GATA4: variants seen among roughly 807,000 people sequenced by gnomAD.
GATA4 encodes GATA binding protein 4.
Under a neutral mutation model 37.9 loss-of-function variants are expected in GATA4, and 7 were observed. That is an observed-to-expected ratio of 0.18 (90% CI 0.11 to 0.35). GATA4 has a LOEUF of 0.35. Ranked by LOEUF, GATA4 falls within the 10% of genes least tolerant of loss-of-function variation. The pLI, the probability that GATA4 is intolerant of heterozygous loss-of-function variation, is 1.00. For synonymous variants in GATA4, 372 were observed against 292.6 expected (o/e 1.27, Z -2.77); for missense variants, 647 against 653.0 (o/e 0.99, Z 0.10).
At chr8:11,681,763 C>G (rs1252456047) in intron 1 of GATA4, among the ~76,000 whole-genome samples, 1 of 152,084 alleles carries the variant, frequency 6.6e-6, no homozygotes, top group Non-Finnish European at 1.5e-5. Flanking sequence ...TTGTTCTTTG[C>G]CCACAGCATT....
upstream of GATA4, among the ~76,000 whole-genome samples, chr8:11,703,537 G>T (rs1799758919): frequency 6.6e-6 from 1 of 152,270 alleles, no homozygotes; most frequent in African/African-American, 2.4e-5. Flanking sequence ...GATTAGAAGA[G>T]AGGAGGCCAC....
chr8:11,712,985 C>G (rs747941961), intron 2 of GATA4, among the ~76,000 whole-genome samples: 1 of 152,146 alleles, frequency 6.6e-6, no homozygotes, highest in South Asian at 2.1e-4. Context: ...ATAGGTAAAA[C>G]TATACAGACT....
chr8:11,733,646 C>T (rs974878942), intron 2 of GATA4, among the ~76,000 whole-genome samples: 2 of 152,152 alleles, frequency 1.3e-5, no homozygotes, highest in Non-Finnish European at 2.9e-5. Context: ...AAATCCTCTT[C>T]GAAGAGAGAA....
rs765273410 is a variant in GATA4 at position 11,708,811 on chromosome 8, G to A, written c.499G>A (p.Ala167Thr). Residue 167 changes from alanine (A) to threonine (T), a missense_variant, in exon 2 of 7, where the codon GCC becomes ACC. Physicochemically the swap from Ala to Thr is moderately conservative, Grantham distance 58. This residue lies in a region of GATA4 where 379 missense variants were observed against 334.5 expected (regional missense o/e 1.13). Transcript: ENST00000532059. This position sits in a 1 kb window ranked among gnomAD's most constrained non-coding sequence, Gnocchi z 6.7. ...SYSSPYPAYMADVGASWAAAA... is the reference protein window; with the variant it reads ...SYSSPYPAYMTDVGASWAAAA... ...CTCCAGCCCCTACCCGGCTTACATGGCCGACGTGGGCGCGTCCTGGGCCGC... is the reference window on the plus strand; with the variant it reads ...CTCCAGCCCCTACCCGGCTTACATGACCGACGTGGGCGCGTCCTGGGCCGC... 11 of 1,482,620 alleles carry A rather than the reference G, an allele frequency of 7.4e-6. No homozygotes were observed. In the East Asian group the frequency reaches 1.1e-4, roughly 15 times the overall value. 91.8% of individuals were successfully genotyped at this position (1,482,620 alleles called of 1,614,324 possible). A position where few individuals can be genotyped will look rare whatever the true frequency, so the allele number is the denominator to read the frequency against.
At position 11,709,575 on chromosome 8, in the gene GATA4, C is replaced by CT. The variant is rs1554488883; in HGVS notation, c.616+647_616+648insT. On this transcript the variant is annotated intron_variant, in intron 2 of 6. Transcript: ENST00000532059. The surrounding 1 kb of genome is among the most constrained non-coding windows in gnomAD (Gnocchi z 4.3). ...GCGCGTGGGCGCATCATGCGGGCAGCGGGGGGGGGGGCGCACACGCCCGGT... is the reference window on the plus strand; with the variant it reads ...GCGCGTGGGCGCATCATGCGGGCAGCTGGGGGGGGGGGCGCACACGCCCGGT... 0.021 allele frequency among the ~76,000 whole-genome samples: 1,962 copies of CT among 93,872 alleles called. 57 individuals are homozygous for CT. Among genetic ancestry groups the CT allele is most frequent in the South Asian group, 0.049 (123 of 2,532 alleles). 61.6% of individuals were successfully genotyped at this position (93,872 alleles called of 152,430 possible). A position where few individuals can be genotyped will look rare whatever the true frequency, so the allele number is the denominator to read the frequency against.
chr8:11,700,947 G>A (rs576599089), upstream of GATA4, among the ~76,000 whole-genome samples: 33 of 152,114 alleles, frequency 2.2e-4, no homozygotes, highest in Non-Finnish European at 4.7e-4. Context: ...CCAAAAACTC[G>A]CAGAAACTCG....
In GATA4 at chr8:11,685,113, G is replaced by A. The variant is rs185330689; in HGVS notation, c.-274+8050G>A. Among the ~76,000 whole-genome samples the A allele has an allele frequency of 1.4e-4, 22 of 152,238 alleles. No individual in the cohort carries two copies. The East Asian group carries it at 4.0e-3, about 28-fold the overall frequency. ...ACATTATGAATTGAGGTGAAAAACA[G>A]AAAATAACCTAAACTCTAAACAATA... On this transcript the variant is annotated intron_variant, in intron 1 of 6. Transcript: ENST00000528712.
At chr8:11,745,624 A>T (rs1801993204) in intron 2 of GATA4, among the ~76,000 whole-genome samples, 3 of 152,146 alleles carry the variant, frequency 2.0e-5, no homozygotes, top group African/African-American at 7.2e-5. Context: ...GTGTGGGAAA[A>T]AGAAAAAAAA....
chr8:11,722,818 A>G (rs932299673), intron 2 of GATA4, among the ~76,000 whole-genome samples: 3 of 152,198 alleles, frequency 2.0e-5, no homozygotes, highest in Admixed American at 6.5e-5. Flanking sequence ...GCTAATGGTA[A>G]TATTCTACTG....
rs192071367 is a variant in GATA4 at position 11,754,469 on chromosome 8, C to T, written c.913-577C>T. On this transcript the variant is annotated intron_variant, in intron 4 of 6. Transcript: ENST00000532059. ...CTGGGCTCAAGCAGTCCTCCCACCT[C>T]GGCCACCCAAAGTGCTGGGATTACA... Among the ~76,000 whole-genome samples the T allele has an allele frequency of 2.7e-3, 406 of 152,270 alleles. 2 individuals carry two copies. The highest frequency in any genetic ancestry group is 0.017 in the Middle Eastern group (5 of 294).
chr8:11,691,091 G>T (rs183222811), upstream of GATA4, among the ~76,000 whole-genome samples: 5 of 152,292 alleles, frequency 3.3e-5, no homozygotes, highest in East Asian at 9.6e-4. Flanking sequence ...TGATTGTGTG[G>T]ATAATCAATC....
intron 2 of GATA4, among the ~76,000 whole-genome samples, chr8:11,735,213 T>G (rs73205114): frequency 2.0e-5 from 3 of 152,214 alleles, no homozygotes; most frequent in African/African-American, 7.2e-5. Context: ...TCTCAGTGAC[T>G]GAAATATTTC....
At chr8:11,680,314 C>G (rs527362780) in intron 1 of GATA4, among the ~76,000 whole-genome samples, 1 of 152,234 alleles carries the variant, frequency 6.6e-6, no homozygotes, top group South Asian at 2.1e-4. Flanking sequence ...CGGAAGATCC[C>G]CGCGGACAGG....
In GATA4 at chr8:11,704,247, G is replaced by C. The variant is rs1404602171; in HGVS notation, c.-515G>C. ...CGCAGGGGCCGCGAGAGGCTTCGTC[G>C]CCGCTGCAGCTCCGGGGGCTCCCAG... is the stretch of plus-strand genomic sequence containing the variant. On this transcript the variant is annotated 5_prime_UTR_variant, in exon 1 of 7. Coordinates refer to ENST00000532059, the MANE Select transcript of GATA4 (RefSeq NM_001308093.3). The C allele has an allele frequency of 6.6e-6, 1 of 152,282 alleles. No homozygotes were observed. The highest frequency in any genetic ancestry group is 1.5e-5 in the Non-Finnish European group (1 of 68,098). The allele number at this position is 152,282 out of a possible 1,614,324, so 9.4% of individuals were successfully genotyped here.
intron 2 of GATA4, among the ~76,000 whole-genome samples, chr8:11,726,132 C>G (rs1434289520): frequency 6.6e-6 from 1 of 152,248 alleles, no homozygotes; most frequent in East Asian, 1.9e-4. Flanking sequence ...AGAAAAGATG[C>G]AGCCCGGAAT....
Position 11,708,988 on chromosome 8 carries a change from C to G in GATA4, c.616+60C>G. 1.4e-6 allele frequency: 2 copies of G among 1,469,004 alleles called. No individual in the cohort carries two copies. The highest frequency in any genetic ancestry group is 1.4e-5 in the African/African-American group (1 of 69,446). 91.0% of individuals were successfully genotyped at this position (1,469,004 alleles called of 1,614,324 possible). ...GCCGGGGCAGGGGCCGTCTTGAGCC[C>G]TGTCGAGGGCCTCTTGTTTTTCCAC... is the stretch of plus-strand genomic sequence containing the variant. On this transcript the variant is annotated intron_variant, in intron 2 of 6. Coordinates refer to ENST00000532059, the MANE Select transcript of GATA4 (RefSeq NM_001308093.3). The surrounding 1 kb of genome is among the most constrained non-coding windows in gnomAD (Gnocchi z 6.7).
At chr8:11,750,754 G>T (rs1802262728) in intron 4 of GATA4, among the ~76,000 whole-genome samples, 1 of 130,566 alleles carries the variant, frequency 7.7e-6, no homozygotes, top group Admixed American at 8.0e-5. Context: ...ACAACATGGT[G>T]AAACTTTGTC....
At chr8:11,681,925 C>A (rs932779708) in intron 1 of GATA4, among the ~76,000 whole-genome samples, 1 of 152,216 alleles carries the variant, frequency 6.6e-6, no homozygotes, top group African/African-American at 2.4e-5. Flanking sequence ...CCACCTCAAT[C>A]TGAGATCCTT....
intron 1 of GATA4, chr8:11,692,844 C>G: frequency 3.1e-6 from 3 of 981,256 alleles, no homozygotes; most frequent in Non-Finnish European, 3.6e-6. Context: ...GGGCGGCCGG[C>G]CGGGGGCTGA....
Sources: allele counts gnomAD v4.1 joint callset (sites outside exome capture counted in the v4.1 genomes callset), GRCh38; gene constraint gnomAD v4.1.1; regional missense constraint gnomAD v4.1.1; non-coding constraint Gnocchi (gnomAD v3.1); transcripts MANE v1.5; gene names NCBI Gene and HGNC (gene_info 2026-07-23, HGNC 2026-07-21).